The following ARFGEF3 variants were observed in gnomAD, a reference collection of about 807,000 sequenced individuals.
ARFGEF3 encodes the protein brefeldin A-inhibited guanine nucleotide-exchange protein 3.
In ARFGEF3, 96 loss-of-function variants were observed where a neutral mutation model predicts 221.7. That is an observed-to-expected ratio of 0.43 (90% CI 0.37 to 0.51). ARFGEF3 has a LOEUF of 0.51. Among genes scored for constraint, ARFGEF3 ranks in the 20% least tolerant of loss-of-function variants. The pLI is 0.00. For missense variants in ARFGEF3, 2,410 were observed against 2,789.9 expected (o/e 0.86, Z 3.07); for synonymous variants, 1,145 against 1,126.8 (o/e 1.02, Z -0.32).
chr6:138,197,527 TTTG>T (rs1317591765), intron 2 of ARFGEF3, among the ~76,000 whole-genome samples: 2 of 152,190 alleles, frequency 1.3e-5, no homozygotes, highest in African/African-American at 4.8e-5. Flanking sequence ...GCACAGTTGA[TTTG>T]TTTACACTGG....
intron 2 of ARFGEF3, among the ~76,000 whole-genome samples, chr6:138,196,476 G>A (rs1777425076): frequency 1.3e-5 from 2 of 152,192 alleles, no homozygotes; most frequent in South Asian, 4.1e-4. Flanking sequence ...AAATACGGAA[G>A]ATAAAAAATG....
chr6:138,342,090 A>G lies in ARFGEF3; in HGVS notation c.*5604A>G, dbSNP rs1369834196. 1 of 152,128 alleles carries G rather than the reference A, an allele frequency of 6.6e-6. No homozygotes were observed. The highest frequency in any genetic ancestry group is 2.4e-5 in the African/African-American group (1 of 41,410). The allele number at this position is 152,128 out of a possible 1,614,324, so 9.4% of individuals were successfully genotyped here. ...TTCGTACTGTTAATTCCTATCCTGA[A>G]GGTTTAACCAGTGGTTGTCTAGTAT... On this transcript the variant is annotated 3_prime_UTR_variant, in exon 34 of 34. Transcript: ENST00000251691.
rs1254524750 is a variant in ARFGEF3 at position 138,261,570 on chromosome 6, G to A, written c.1148G>A (p.Ser383Asn). 1.3e-6 allele frequency: 2 copies of A among 1,580,542 alleles called. No homozygotes were observed. Among genetic ancestry groups the A allele is most frequent in the East Asian group, 4.6e-5 (2 of 43,716 alleles). ...PQRLCDLAGP[S>N]STESESRKRS... ...CGTCTCTGTGACTTGGCAGGACCCA[G>A]CTCCACTGAATCAGAGTCCAGAAAA... The change falls in exon 11 of 34, where the codon AGC becomes AAC. Residue 383 changes from serine to asparagine, a missense_variant. By Grantham distance (46) the Ser-to-Asn change is conservative. Coordinates refer to ENST00000251691, the MANE Select transcript of ARFGEF3 (RefSeq NM_020340.5).
chr6:138,250,013 A>G (rs1042311534), intron 8 of ARFGEF3, among the ~76,000 whole-genome samples: 5 of 152,132 alleles, frequency 3.3e-5, no homozygotes, highest in Non-Finnish European at 7.4e-5. Flanking sequence ...CTTGTGTACC[A>G]TTGCTTCTGA....
intron 18 of ARFGEF3, among the ~76,000 whole-genome samples, chr6:138,290,711 T>C (rs1484040514): frequency 6.6e-6 from 1 of 152,134 alleles, no homozygotes; most frequent in Non-Finnish European, 1.5e-5. Context: ...TCCTTCTCCT[T>C]CTCTGCAGCA....
rs998765524 is a variant in ARFGEF3 at position 138,334,348 on chromosome 6, C to A, written c.5502C>A (p.Ala1834=). 3.1e-6 allele frequency: 5 copies of A among 1,613,768 alleles called. No homozygotes were observed. Among genetic ancestry groups the A allele is most frequent in the Non-Finnish European group, 4.2e-6 (5 of 1,179,842 alleles). The change falls in exon 33 of 34, where the codon GCC becomes GCA. Residue 1834 remains alanine, a synonymous_variant. Coordinates refer to ENST00000251691, the MANE Select transcript of ARFGEF3 (RefSeq NM_020340.5). This position sits in a 1 kb window ranked among gnomAD's most constrained non-coding sequence, Gnocchi z 5.1. ...TCACCAATCAAGAAACCATCACGGC[C>A]GAGCAAGTGAAGAAGGTCCTTTTTG... ...AVLTNQETIT[A]EQVKKVLFED... is the part of the protein sequence containing the mutation.
chr6:138,278,484 G>A lies in ARFGEF3; in HGVS notation c.2162G>A (p.Ser721Asn). The change falls in exon 13 of 34, where the codon AGC becomes AAC. Residue 721 changes from serine (S) to asparagine (N), a missense_variant. By Grantham distance (46) the Ser-to-Asn change is conservative. Transcript: ENST00000251691. ...MMHSPGFDGN[S>N]SLSFQMLMNA... The stretch of plus-strand genomic sequence containing the variant: ...CACTCTCCTGGCTTTGACGGGAATA[G>A]CAGCCTCAGCTTCCAGATGCTGATG... 1.2e-6 allele frequency: 2 copies of A among 1,613,968 alleles called. No homozygotes were observed. The highest frequency in any genetic ancestry group is 1.1e-5 in the South Asian group (1 of 91,090).
chr6:138,188,917 T>C (rs1777242715), intron 2 of ARFGEF3, among the ~76,000 whole-genome samples: 1 of 152,206 alleles, frequency 6.6e-6, no homozygotes, highest in East Asian at 1.9e-4. Context: ...GTGCTTGCAG[T>C]ACAGGATCGA....
chr6:138,303,312 A>G (rs542702806), intron 22 of ARFGEF3, among the ~76,000 whole-genome samples: 9 of 152,326 alleles, frequency 5.9e-5, no homozygotes, highest in Admixed American at 1.3e-4. Flanking sequence ...GAAGGTAGTA[A>G]AAGAGGAACA....
chr6:138,220,990 T>A lies in ARFGEF3; in HGVS notation c.352-8794T>A, dbSNP rs533832518. On this transcript the variant is annotated intron_variant, in intron 4 of 33. Transcript: ENST00000251691. The stretch of plus-strand genomic sequence containing the variant: ...ACCACCCCAAAATGCAGTAGGCAGT[T>A]CAGGCTGGGCTCGGCTGTCCTGTTC... Among the ~76,000 whole-genome samples, 3 of 152,316 alleles carry A rather than the reference T, an allele frequency of 2.0e-5. No individual in the cohort carries two copies. In the East Asian group the frequency reaches 5.8e-4, roughly 29 times the overall value.
chr6:138,168,231 A>G (rs1353039245), intron 1 of ARFGEF3, among the ~76,000 whole-genome samples: 7 of 152,232 alleles, frequency 4.6e-5, no homozygotes, highest in Non-Finnish European at 1.5e-5. Context: ...GACAGCAAAG[A>G]GAGTGATAAG....
At chr6:138,274,272 A>C (rs548396381) in intron 12 of ARFGEF3, among the ~76,000 whole-genome samples, 70 of 152,306 alleles carry the variant, frequency 4.6e-4, no homozygotes, top group African/African-American at 1.7e-3. Flanking sequence ...TGTACCTTTC[A>C]TCTATGATCC....
At chr6:138,244,531 C>A (rs183897823) in intron 7 of ARFGEF3, among the ~76,000 whole-genome samples, 62 of 152,314 alleles carry the variant, frequency 4.1e-4, no homozygotes, top group African/African-American at 1.2e-3. Context: ...TGTAGTTGAA[C>A]AGATTCCAGA....
chr6:138,267,389 C>T (rs1032526686), intron 12 of ARFGEF3, among the ~76,000 whole-genome samples: 21 of 152,256 alleles, frequency 1.4e-4, no homozygotes, highest in African/African-American at 4.8e-4. Context: ...TGCACCACTG[C>T]ACTCCAGCCT....
rs376124984 is a variant in ARFGEF3 at position 138,264,757 on chromosome 6, C to A, written c.2128+1146C>A. 7.9e-5 allele frequency among the ~76,000 whole-genome samples: 12 copies of A among 152,252 alleles called. No individual in the cohort carries two copies. In the South Asian group the frequency reaches 2.5e-3, roughly 32 times the overall value. ...ACACACATACATGAAAAAATTGTAG[C>A]CCAGTTACTGGAACTTGGTTAGAAG... On this transcript the variant is annotated intron_variant, in intron 12 of 33. Coordinates refer to ENST00000251691, the MANE Select transcript of ARFGEF3 (RefSeq NM_020340.5).
intron 2 of ARFGEF3, among the ~76,000 whole-genome samples, chr6:138,186,902 C>CTTTTTTTTTT (rs71693484): frequency 1.3e-5 from 1 of 76,046 alleles, no homozygotes; most frequent in South Asian, 6.3e-4. Flanking sequence ...CATCCTTTTT[C>CTTTTTTTTTT]TTTTTTTTTT....
chr6:138,204,537 T>C (rs1369082667), intron 2 of ARFGEF3, among the ~76,000 whole-genome samples: 1 of 152,174 alleles, frequency 6.6e-6, no homozygotes, highest in African/African-American at 2.4e-5. Context: ...GGTCTGTGAT[T>C]GCTTTTGTGC....
At chr6:138,322,263 C>A (rs2114681530) in intron 29 of ARFGEF3, among the ~76,000 whole-genome samples, 1 of 152,296 alleles carries the variant, frequency 6.6e-6, no homozygotes, top group East Asian at 1.9e-4. Flanking sequence ...CGTTCTCAGG[C>A]TTTCAGACTT....
At chr6:138,256,736 A>T (rs1778689242) in intron 10 of ARFGEF3, among the ~76,000 whole-genome samples, 1 of 152,070 alleles carries the variant, frequency 6.6e-6, no homozygotes, top group African/African-American at 2.4e-5. Context: ...CTTCACATAT[A>T]TTTTTTTAAT....
Sources: allele counts gnomAD v4.1 joint callset (sites outside exome capture counted in the v4.1 genomes callset), GRCh38; gene constraint gnomAD v4.1.1; non-coding constraint Gnocchi (gnomAD v3.1); transcripts MANE v1.5; gene names NCBI Gene and HGNC (gene_info 2026-07-23, HGNC 2026-07-21).